The following ALK variants were observed in gnomAD, a reference collection of about 807,000 sequenced individuals.
The protein encoded by ALK is ALK tyrosine kinase receptor.
ALK carries 74 observed loss-of-function variants against 163.1 expected under a neutral mutation model. That is an observed-to-expected ratio of 0.45 (90% CI 0.38 to 0.55). The LOEUF is 0.55. Ranked by LOEUF, ALK falls within the 20% of genes least tolerant of loss-of-function variation. The pLI, the probability that ALK is intolerant of heterozygous loss-of-function variation, is 0.00. For synonymous variants in ALK, 960 were observed against 843.2 expected, an observed-to-expected ratio of 1.14 and a Z score of -2.40; for missense variants, 2,063 against 2,105.3, an observed-to-expected ratio of 0.98 and a Z score of 0.39.
intron 5 of ALK, among the ~76,000 whole-genome samples, chr2:29,349,695 A>C (rs941781644): frequency 2.0e-5 from 3 of 152,244 alleles, no homozygotes; most frequent in Non-Finnish European, 2.9e-5. Context: ...AAGGATGTGC[A>C]GAGTGGACAG....
intron 1 of ALK, among the ~76,000 whole-genome samples, chr2:29,857,419 T>G (rs1033277714): frequency 7.9e-5 from 12 of 151,874 alleles, no homozygotes; most frequent in Non-Finnish European, 1.6e-4. Context: ...AAAGGGAAAA[T>G]ACAAACCAAT....
intron 18 of ALK, among the ~76,000 whole-genome samples, chr2:29,226,247 G>A (rs1663988572): frequency 6.6e-6 from 1 of 152,084 alleles, no homozygotes; most frequent in African/African-American, 2.4e-5. Context: ...GGGAGGCCGA[G>A]GCGGGTGAAT....
intron 3 of ALK, among the ~76,000 whole-genome samples, chr2:29,605,533 C>T (rs576626209): frequency 3.7e-4 from 56 of 152,252 alleles, no homozygotes; most frequent in African/African-American, 1.2e-3. Flanking sequence ...GATGAAGTCA[C>T]GAAAGGTGGG....
chr2:29,516,194 T>A (rs2148145113), intron 4 of ALK, among the ~76,000 whole-genome samples: 1 of 152,314 alleles, frequency 6.6e-6, no homozygotes, highest in East Asian at 1.9e-4. Context: ...TTACCCAATT[T>A]TACCTATGAA....
intron 1 of ALK, among the ~76,000 whole-genome samples, chr2:29,875,635 A>G (rs533137718): frequency 6.6e-6 from 1 of 151,888 alleles, no homozygotes; most frequent in Non-Finnish European, 1.5e-5. Flanking sequence ...CACTGTGTCC[A>G]TGTGTTCTCG....
At chr2:29,475,644 T>C (rs1168412236) in intron 4 of ALK, among the ~76,000 whole-genome samples, 1 of 152,170 alleles carries the variant, frequency 6.6e-6, no homozygotes, top group Non-Finnish European at 1.5e-5. Flanking sequence ...TAGCTCTATG[T>C]AGAGATCGGC....
At chr2:29,794,941 C>A (rs1407773400) in intron 1 of ALK, among the ~76,000 whole-genome samples, 2 of 151,988 alleles carry the variant, frequency 1.3e-5, no homozygotes, top group East Asian at 1.9e-4. Flanking sequence ...GCAGAGTCAC[C>A]ACAAAACTTC....
At chr2:29,486,170 G>A (rs571247600) in intron 4 of ALK, among the ~76,000 whole-genome samples, 20 of 152,190 alleles carry the variant, frequency 1.3e-4, no homozygotes, top group African/African-American at 4.6e-4. Context: ...GCAGAGTAGT[G>A]CAAAATATAC....
At chr2:29,641,165 C>G (rs775779709) in intron 3 of ALK, among the ~76,000 whole-genome samples, 1 of 151,928 alleles carries the variant, frequency 6.6e-6, no homozygotes, top group South Asian at 2.1e-4. Context: ...AATAAATAGG[C>G]AGATATTGGC....
intron 19 of ALK, 28 bp from the exon 20 acceptor site, chr2:29,223,556 G>A (rs1296311350): frequency 3.1e-6 from 5 of 1,609,926 alleles, no homozygotes; most frequent in Non-Finnish European, 4.2e-6. Context: ...GCTGCAACAT[G>A]GCCTGGCAGC....
At chr2:29,674,679 G>A (rs1053217978) in intron 3 of ALK, among the ~76,000 whole-genome samples, 4 of 151,272 alleles carry the variant, frequency 2.6e-5, no homozygotes. Flanking sequence ...TCAGAATGAT[G>A]CTGGCCTCAT....
At chr2:29,241,170 T>C (rs1222536319) in intron 12 of ALK, among the ~76,000 whole-genome samples, 1 of 152,086 alleles carries the variant, frequency 6.6e-6, no homozygotes, top group Non-Finnish European at 1.5e-5. Flanking sequence ...GTTGTGAACC[T>C]GAGATAGCTC....
chr2:29,453,902 G>T (rs1300670438), intron 4 of ALK, among the ~76,000 whole-genome samples: 1 of 152,054 alleles, frequency 6.6e-6, no homozygotes, highest in Non-Finnish European at 1.5e-5. Context: ...CAAAAGCATG[G>T]AGATCTCACA....
intron 1 of ALK, among the ~76,000 whole-genome samples, chr2:29,799,230 A>G (rs1364849427): frequency 6.6e-6 from 1 of 152,242 alleles, no homozygotes; most frequent in Non-Finnish European, 1.5e-5. Flanking sequence ...TGTTGAAAAG[A>G]AACATTTTCA....
At chr2:29,327,105 A>G (rs1475712079) in intron 6 of ALK, among the ~76,000 whole-genome samples, 1 of 152,242 alleles carries the variant, frequency 6.6e-6, no homozygotes, top group Admixed American at 6.5e-5. Context: ...TGGCAAAAAC[A>G]TCAAGGGCTC....
At chr2:29,409,095 T>C (rs1342973429) in intron 4 of ALK, among the ~76,000 whole-genome samples, 1 of 152,142 alleles carries the variant, frequency 6.6e-6, no homozygotes, top group Non-Finnish European at 1.5e-5. Flanking sequence ...TGAATAGTAA[T>C]GTAAGCGAAG....
intron 3 of ALK, among the ~76,000 whole-genome samples, chr2:29,679,565 A>G (rs1677999793): frequency 1.3e-5 from 2 of 151,944 alleles, no homozygotes; most frequent in South Asian, 4.1e-4. Context: ...GATTAATATT[A>G]CCTAATTTTA....
Position 29,447,483 on chromosome 2 carries a change from T to A in ALK, c.1155-63624A>T, listed in dbSNP as rs528612654. Among the ~76,000 whole-genome samples the A allele has an allele frequency of 2.6e-5, 4 of 152,312 alleles. No homozygotes were observed. The South Asian group carries it at 8.3e-4, about 32-fold the overall frequency. ...GGAGGGAAAAAAAAAATCTCGTGTT[T>A]ATTATAACTCAGTCCAAGATGATTG... is the stretch of plus-strand genomic sequence containing the variant. On this transcript the variant is annotated intron_variant, in intron 4 of 28. Coordinates refer to ENST00000389048, the MANE Select transcript of ALK (RefSeq NM_004304.5).
chr2:29,755,132 G>A (rs1680479556), intron 1 of ALK, among the ~76,000 whole-genome samples: 1 of 152,236 alleles, frequency 6.6e-6, no homozygotes, highest in African/African-American at 2.4e-5. Context: ...GGGTCAGTGA[G>A]GAACCCTCTG....
Sources: gnomAD v4.1 joint callset for allele counts (sites outside exome capture counted in the v4.1 genomes callset) on GRCh38, gnomAD v4.1.1 for gene constraint, MANE v1.5 for transcripts, NCBI Gene and HGNC (gene_info 2026-07-23, HGNC 2026-07-21) for gene names.